ZNF560: variants seen among roughly 807,000 people sequenced by gnomAD.
The protein encoded by ZNF560 is zinc finger protein 560.
In ZNF560, 54 loss-of-function variants were observed where a neutral mutation model predicts 81.8. That is an observed-to-expected ratio of 0.66 (90% CI 0.53 to 0.83). The LOEUF (loss-of-function observed/expected upper bound fraction) is 0.83, where lower values mean the gene tolerates loss of function less well. ZNF560 is among the 40% of genes least tolerant of loss of function. The pLI, the probability that ZNF560 is intolerant of heterozygous loss-of-function variation, is 0.00. For synonymous variants in ZNF560, 321 were observed against 317.9 expected, an observed-to-expected ratio of 1.01 and a Z score of -0.10; for missense variants, 940 against 932.4, an observed-to-expected ratio of 1.01 and a Z score of -0.11.
chr19:9,449,315 A>G, the ZNF560 span, among the ~76,000 whole-genome samples: 1 of 152,372 alleles, frequency 6.6e-6, no homozygotes, highest in Admixed American at 6.5e-5. Flanking sequence ...CCACAGTGAA[A>G]TAGAAATAAA....
At chr19:9,494,678 G>A (rs562349924) in intron 2 of ZNF560, among the ~76,000 whole-genome samples, 1 of 152,284 alleles carries the variant, frequency 6.6e-6, no homozygotes, top group South Asian at 2.1e-4. Context: ...AGAGGTTGCA[G>A]TGAGCCAAGA....
the ZNF560 span, among the ~76,000 whole-genome samples, chr19:9,454,107 A>G: frequency 1.3e-5 from 2 of 152,246 alleles, no homozygotes; most frequent in African/African-American, 4.8e-5. Flanking sequence ...AAACAATGGC[A>G]TGAGCAATCT....
At chr19:9,494,735 T>C (rs534486186) in intron 2 of ZNF560, among the ~76,000 whole-genome samples, 18 of 146,608 alleles carry the variant, frequency 1.2e-4, no homozygotes, top group African/African-American at 4.6e-4. Flanking sequence ...AAACTCCGTC[T>C]CAAAACAAAA....
chr19:9,465,413 T>C (rs889144266), downstream of ZNF560, among the ~76,000 whole-genome samples: 3 of 152,182 alleles, frequency 2.0e-5, no homozygotes, highest in South Asian at 6.2e-4. Flanking sequence ...GCTGAGATTA[T>C]AGGCATGAGC....
the ZNF560 span, among the ~76,000 whole-genome samples, chr19:9,458,184 G>A: frequency 1.3e-5 from 2 of 152,166 alleles, no homozygotes; most frequent in African/African-American, 2.4e-5. Flanking sequence ...CACAAATACA[G>A]CAAGCTTTTA....
chr19:9,466,518 G>C lies in ZNF560; in HGVS notation c.*56C>G. 6.7e-7 allele frequency: 1 copy of C among 1,484,072 alleles called. No homozygotes were observed. The highest frequency in any genetic ancestry group is 9.1e-7 in the Non-Finnish European group (1 of 1,101,896). 91.9% of individuals were successfully genotyped at this position (1,484,072 alleles called of 1,614,324 possible). A position where few individuals can be genotyped will look rare whatever the true frequency, so the allele number is the denominator to read the frequency against. On this transcript the variant is annotated 3_prime_UTR_variant, in exon 10 of 10. Transcript: ENST00000301480. The stretch of plus-strand genomic sequence containing the variant: ...CTGTGAATTTTTACATGTTCAGTTA[G>C]GCTTGAGGAAACAGCAAAGGTTTTT...
chr19:9,497,631 G>A (rs1249285581), intron 2 of ZNF560, among the ~76,000 whole-genome samples: 1 of 152,012 alleles, frequency 6.6e-6, no homozygotes, highest in African/African-American at 2.4e-5. Context: ...TTACGAGACG[G>A]CGAATACACA....
Position 9,471,415 on chromosome 19 carries a change from T to A in ZNF560, c.239-37A>T, listed in dbSNP as rs552399583. On this transcript the variant is annotated intron_variant, in intron 5 of 9. Coordinates refer to ENST00000301480, the MANE Select transcript of ZNF560 (RefSeq NM_152476.3). ...ACATAAACTGAGGTTTTTTTTTTTT[T>A]TAAAAAAAAAGGTAAAATGAAAGAG... 5,718 of 1,251,892 alleles carry A rather than the reference T, an allele frequency of 4.6e-3. 19 individuals are homozygous for A. Among genetic ancestry groups the A allele is most frequent in the South Asian group, 0.02 (1,283 of 63,654 alleles). The allele number at this position is 1,251,892 out of a possible 1,614,324, so 77.5% of individuals were successfully genotyped here.
chr19:9,475,361 T>C lies in ZNF560; in HGVS notation c.-48A>G, dbSNP rs749142358. On this transcript the variant is annotated 5_prime_UTR_variant, in exon 3 of 10. Coordinates refer to ENST00000301480, the MANE Select transcript of ZNF560 (RefSeq NM_152476.3). ...TCTTCATGAAGGCAGATTGGGTTCC[T>C]AGAAAGACCTGGAAAAGAAAGAAGG... The C allele has an allele frequency of 5.0e-6, 8 of 1,597,774 alleles. No homozygotes were observed. The highest frequency in any genetic ancestry group is 6.9e-6 in the Non-Finnish European group (8 of 1,167,338).
In ZNF560 at chr19:9,468,335, CT is replaced by C; in HGVS notation, c.613-2del. The C allele has an allele frequency of 6.3e-7, 1 of 1,582,606 alleles. No homozygotes were observed. Among genetic ancestry groups the C allele is most frequent in the Non-Finnish European group, 8.6e-7 (1 of 1,167,292 alleles). ...GTTCCTCTCCATTTTGGTTTCTTGC[CT>C]GTTAACACAGGAATGAACAATAAAG... On this transcript the variant is annotated splice_acceptor_variant, in intron 9 of 9. Coordinates refer to ENST00000301480, the MANE Select transcript of ZNF560 (RefSeq NM_152476.3). LOFTEE classifies it high-confidence loss of function.
rs560464479 is a variant in ZNF560, at chr19:9,497,514, G to A, written c.-57+614C>T. Among the ~76,000 whole-genome samples, 13 of 130,040 alleles carry A rather than the reference G, an allele frequency of 1.0e-4. No individual in the cohort carries two copies. The East Asian group carries it at 2.7e-3, about 27-fold the overall frequency. The allele number at this position is 130,040 out of a possible 152,430, so 85.3% of individuals were successfully genotyped here. A position where few individuals can be genotyped will look rare whatever the true frequency, so the allele number is the denominator to read the frequency against. Reference sequence around the variant, plus strand: ...CGCGCCACTGCACTCCAGCCTGGGCGACACAGCTAGACCCCCTCTCAAAAA... The same window carrying A: ...CGCGCCACTGCACTCCAGCCTGGGCAACACAGCTAGACCCCCTCTCAAAAA... On this transcript the variant is annotated intron_variant, in intron 2 of 9. Transcript: ENST00000301480.
chr19:9,473,166 C>T lies in ZNF560; in HGVS notation c.238+13G>A. On this transcript the variant is annotated intron_variant, in intron 5 of 9. Transcript: ENST00000301480. ...CTTCTCACTGACCAAGGTTGTTCTT[C>T]ACAAATACTCACCTTGGAGAACTCC... 1.2e-6 allele frequency: 2 copies of T among 1,611,220 alleles called. No homozygotes were observed. Among genetic ancestry groups the T allele is most frequent in the Admixed American group, 3.3e-5 (2 of 60,014 alleles).
At chr19:9,497,328 T>C (rs1253423618) in intron 2 of ZNF560, among the ~76,000 whole-genome samples, 1 of 151,918 alleles carries the variant, frequency 6.6e-6, no homozygotes, top group Non-Finnish European at 1.5e-5. Flanking sequence ...TACTTAAATG[T>C]CGAGCTTACC....
chr19:9,462,117 A>G (rs934231713), downstream of ZNF560, among the ~76,000 whole-genome samples: 1 of 152,150 alleles, frequency 6.6e-6, no homozygotes, highest in African/African-American at 2.4e-5. Flanking sequence ...AAAAAGGGGG[A>G]CATGCTGGGA....
At chr19:9,450,636 C>G in the ZNF560 span, among the ~76,000 whole-genome samples, 2 of 152,142 alleles carry the variant, frequency 1.3e-5, no homozygotes, top group African/African-American at 4.8e-5. Flanking sequence ...TCACTGCAAC[C>G]TCTGCACATC....
chr19:9,482,454 G>A (rs1488505059), intron 2 of ZNF560, among the ~76,000 whole-genome samples: 1 of 147,686 alleles, frequency 6.8e-6, no homozygotes, highest in African/African-American at 2.5e-5. Flanking sequence ...GGAAGGGGGA[G>A]AAGGAAGGAA....
chr19:9,446,173 A>G, the ZNF560 span, among the ~76,000 whole-genome samples: 1 of 152,064 alleles, frequency 6.6e-6, no homozygotes, highest in African/African-American at 2.4e-5. Context: ...GAAGGGGTAA[A>G]ACTAGTAAAC....
the ZNF560 span, among the ~76,000 whole-genome samples, chr19:9,455,866 CT>C: frequency 6.6e-6 from 1 of 152,166 alleles, no homozygotes; most frequent in Middle Eastern, 3.4e-3. Flanking sequence ...AAAGGAAATG[CT>C]CCATTTCCTG....
chr19:9,482,592 C>G (rs1306952348), intron 2 of ZNF560, among the ~76,000 whole-genome samples: 2 of 151,974 alleles, frequency 1.3e-5, no homozygotes, highest in Non-Finnish European at 2.9e-5. Flanking sequence ...CAGCACTGCA[C>G]TCCAGCACAG....
Sources: gnomAD v4.1 joint callset for allele counts (sites outside exome capture counted in the v4.1 genomes callset) on GRCh38, gnomAD v4.1.1 for gene constraint, MANE v1.5 for transcripts, NCBI Gene and HGNC (gene_info 2026-07-23, HGNC 2026-07-21) for gene names.